The following PAGR1 variants were observed in gnomAD, a reference collection of about 807,000 sequenced individuals.
The protein encoded by PAGR1 is PAXIP1-associated glutamate-rich protein 1.
A neutral mutation model predicts 22.4 loss-of-function variants in PAGR1; 20 were observed. The observed-to-expected ratio is 0.89, with a 90% confidence interval of 0.63 to 1.30. PAGR1 has a LOEUF of 1.30. Among genes scored for constraint, PAGR1 ranks in the 50% most tolerant of loss-of-function variants. PAGR1 has a pLI of 0.00. For synonymous variants in PAGR1, 161 were observed against 148.3 expected, an observed-to-expected ratio of 1.09 and a Z score of -0.62; for missense variants, 338 against 343.6, an observed-to-expected ratio of 0.98 and a Z score of 0.13.
In PAGR1 at chr16:29,819,850, A is replaced by C; in HGVS notation, c.*96A>C. The C allele has an allele frequency of 7.4e-7, 1 of 1,348,608 alleles. No homozygotes were observed. Among genetic ancestry groups the C allele is most frequent in the Non-Finnish European group, 1.0e-6 (1 of 1,002,788 alleles). The allele number at this position is 1,348,608 out of a possible 1,614,324, so 83.5% of individuals were successfully genotyped here. A position where few individuals can be genotyped will look rare whatever the true frequency, so the allele number is the denominator to read the frequency against. The stretch of plus-strand genomic sequence containing the variant: ...AGACATTGAGAAACTTGGGAAGAAG[A>C]GAGAAACCTCAAGCTCCCAAACAGC... On this transcript the variant is annotated 3_prime_UTR_variant, in exon 3 of 3. Coordinates refer to ENST00000320330, the MANE Select transcript of PAGR1 (RefSeq NM_024516.4).
At chr16:29,817,389 C>A in intron 2 of PAGR1, 97 bp downstream of exon 2, 1 of 1,124,848 alleles carries the variant, frequency 8.9e-7, no homozygotes, top group South Asian at 1.3e-5. Flanking sequence ...TGCCTCAGCT[C>A]CCACACAACT....
In PAGR1 at chr16:29,816,569, C is replaced by T. The variant is rs781381892; in HGVS notation, c.44C>T (p.Ala15Val). Reference sequence around the variant, plus strand: ...CATGGAGACACTGCGGCCAGTACGGCGGCGCCTCTGTCTGAAGAAGGGGAA... The same window carrying T: ...CATGGAGACACTGCGGCCAGTACGGTGGCGCCTCTGTCTGAAGAAGGGGAA... ...RGHGDTAAST[A>V]APLSEEGEVT... The change falls in exon 1 of 3, where the codon GCG (alanine) becomes GTG (valine). Residue 15 changes from alanine to valine, a missense_variant. Physicochemically the swap from Ala to Val is moderately conservative, Grantham distance 64 (BLOSUM62 0). Around this residue, in one of 3 missense-constraint regions of PAGR1, gnomAD observed 235 missense variants for 216.0 expected, o/e 1.09. Coordinates refer to ENST00000320330, the MANE Select transcript of PAGR1 (RefSeq NM_024516.4). 7 of 1,512,080 alleles carry T rather than the reference C, an allele frequency of 4.6e-6. No individual in the cohort carries two copies. The highest frequency in any genetic ancestry group is 5.3e-6 in the Non-Finnish European group (6 of 1,132,940). 93.7% of individuals were successfully genotyped at this position (1,512,080 alleles called of 1,614,324 possible).
chr16:29,816,476 G>A lies in PAGR1; in HGVS notation c.-50G>A. 1 of 1,420,780 alleles carries A rather than the reference G, an allele frequency of 7.0e-7. No homozygotes were observed. Among genetic ancestry groups the A allele is most frequent in the Non-Finnish European group, 9.2e-7 (1 of 1,084,090 alleles). The allele number at this position is 1,420,780 out of a possible 1,614,324, so 88.0% of individuals were successfully genotyped here. A position where few individuals can be genotyped will look rare whatever the true frequency, so the allele number is the denominator to read the frequency against. Reference sequence around the variant, plus strand: ...GGGAGCCCGATCCCTGGGGGACCCTGGCTTCGGACTCCAGTATCTGTCGTC... The same window carrying A: ...GGGAGCCCGATCCCTGGGGGACCCTAGCTTCGGACTCCAGTATCTGTCGTC... On this transcript the variant is annotated 5_prime_UTR_variant, in exon 1 of 3. Transcript: ENST00000320330.
Position 29,817,019 on chromosome 16 carries a change from C to T in PAGR1, c.482+12C>T. 1 of 1,558,736 alleles carries T rather than the reference C, an allele frequency of 6.4e-7. No homozygotes were observed. The highest frequency in any genetic ancestry group is 2.3e-5 in the East Asian group (1 of 42,864). On this transcript the variant is annotated intron_variant, in intron 1 of 2. Coordinates refer to ENST00000320330, the MANE Select transcript of PAGR1 (RefSeq NM_024516.4). ...GAGGAAGAGGAAAAGTAAAGGCACA[C>T]CCTTACACCTTGTCCCGGGGCTGCT...
At chr16:29,818,792 A>G (rs1248641394) in intron 2 of PAGR1, among the ~76,000 whole-genome samples, 1 of 152,050 alleles carries the variant, frequency 6.6e-6, no homozygotes, top group Non-Finnish European at 1.5e-5. Flanking sequence ...TGAACTCCTG[A>G]CCTAAAGCTT....
In PAGR1 at chr16:29,819,769, G is replaced by T. The variant is rs201692748; in HGVS notation, c.*15G>T. The T allele has an allele frequency of 3.1e-6, 5 of 1,601,602 alleles. No homozygotes were observed. The highest frequency in any genetic ancestry group is 3.3e-5 in the Admixed American group (2 of 59,762). ...GGAAATACTGATTCCCACTGCTCCTGCCTCTAGGGTGCAGTGTCCGTACCT... is the reference window on the plus strand; with the variant it reads ...GGAAATACTGATTCCCACTGCTCCTTCCTCTAGGGTGCAGTGTCCGTACCT... On this transcript the variant is annotated 3_prime_UTR_variant, in exon 3 of 3. Coordinates refer to ENST00000320330, the MANE Select transcript of PAGR1 (RefSeq NM_024516.4).
In PAGR1 at chr16:29,816,515, C is replaced by T. The variant is rs1900250261; in HGVS notation, c.-11C>T. On this transcript the variant is annotated 5_prime_UTR_variant, in exon 1 of 3. Coordinates refer to ENST00000320330, the MANE Select transcript of PAGR1 (RefSeq NM_024516.4). ...GTATCTGTCGTCGCAGGGTCCCTGC[C>T]CTAGTGGCCTATGTCCCTTGCTCGG... 2 of 1,496,256 alleles carry T rather than the reference C, an allele frequency of 1.3e-6. No individual in the cohort carries two copies. The highest frequency in any genetic ancestry group is 2.8e-5 in the African/African-American group (2 of 71,258). The allele number at this position is 1,496,256 out of a possible 1,614,324, so 92.7% of individuals were successfully genotyped here.
At position 29,822,178 on chromosome 16, in the gene PAGR1, G is replaced by C. The variant is rs561289137; in HGVS notation, c.*2424G>C. Among the ~76,000 whole-genome samples the C allele has an allele frequency of 6.6e-6, 1 of 151,948 alleles. No homozygotes were observed. The highest frequency in any genetic ancestry group is 1.9e-4 in the East Asian group (1 of 5,178). ...TGAAGATCAGGGGTGCTGAAGCCTG[G>C]TTCCTGGGGTCGCTTCTGATCTAGG... On this transcript the variant is annotated 3_prime_UTR_variant, in exon 3 of 3. Coordinates refer to ENST00000320330, the MANE Select transcript of PAGR1 (RefSeq NM_024516.4).
Position 29,817,266 on chromosome 16 carries a change from C to T in PAGR1, c.539C>T (p.Ser180Phe). ...GATGAGCCAGTGACACCAAAGGACT[C>T]CCTGATTGACCGGAGACGCACCCCA... is the stretch of plus-strand genomic sequence containing the variant. ...FDDEPVTPKD[S>F]LIDRRRTPGS... The change falls in exon 2 of 3, where the codon TCC becomes TTC. Residue 180 changes from serine to phenylalanine, a missense_variant. Ser to Phe is a radical substitution (Grantham distance 155). Coordinates refer to ENST00000320330, the MANE Select transcript of PAGR1 (RefSeq NM_024516.4). The T allele has an allele frequency of 6.2e-7, 1 of 1,614,008 alleles. No individual in the cohort carries two copies. Among genetic ancestry groups the T allele is most frequent in the South Asian group, 1.1e-5 (1 of 91,074 alleles).
intron 2 of PAGR1, 66 bp downstream of exon 2, chr16:29,817,358 C>A (rs1428249824): frequency 6.7e-6 from 10 of 1,493,438 alleles, no homozygotes; most frequent in Non-Finnish European, 9.2e-6. Flanking sequence ...AAGATCGGCT[C>A]CCCTAGAGGC....
Position 29,816,647 on chromosome 16 carries a change from C to T in PAGR1, c.122C>T (p.Ala41Val). The change falls in exon 1 of 3, where the codon GCC becomes GTC. Residue 41 changes from alanine (A) to valine (V), a missense_variant. Transcript: ENST00000320330. Reference protein sequence around the residue: ...LAVEDTGGPSASAGKAEDEGE... With the variant: ...LAVEDTGGPSVSAGKAEDEGE... ...GTGGAGGATACCGGAGGCCCCTCTGCCTCGGCCGGTAAGGCCGAGGACGAG... is the reference window on the plus strand; with the variant it reads ...GTGGAGGATACCGGAGGCCCCTCTGTCTCGGCCGGTAAGGCCGAGGACGAG... The T allele has an allele frequency of 6.4e-7, 1 of 1,555,458 alleles. No individual in the cohort carries two copies. Among genetic ancestry groups the T allele is most frequent in the Non-Finnish European group, 8.7e-7 (1 of 1,152,268 alleles).
Position 29,816,741 on chromosome 16 carries a change from C to T in PAGR1, c.216C>T (p.Pro72=). 1.3e-6 allele frequency: 2 copies of T among 1,599,986 alleles called. No individual in the cohort carries two copies. The highest frequency in any genetic ancestry group is 2.2e-5 in the South Asian group (2 of 89,764). ...SGGEEAQGEV[P]SAGGEEPAEE... ...GCGAGGAGGCGCAGGGAGAAGTCCCCAGCGCTGGGGGAGAAGAGCCTGCCG... is the reference window on the plus strand; with the variant it reads ...GCGAGGAGGCGCAGGGAGAAGTCCCTAGCGCTGGGGGAGAAGAGCCTGCCG... Residue 72 remains proline (P), a synonymous_variant, in exon 1 of 3, where the codon CCC becomes CCT. Coordinates refer to ENST00000320330, the MANE Select transcript of PAGR1 (RefSeq NM_024516.4).
chr16:29,819,919 G>GT lies in PAGR1; in HGVS notation c.*171dup, dbSNP rs534291982. ...AGAGAGAGTGTGAGTGTGTGTGTGT[G>GT]TTTTTTCTATTGAACACCTGTAGAG... On this transcript the variant is annotated 3_prime_UTR_variant, in exon 3 of 3. Coordinates refer to ENST00000320330, the MANE Select transcript of PAGR1 (RefSeq NM_024516.4). The GT allele has an allele frequency of 5.8e-4, 426 of 735,792 alleles. 2 individuals are homozygous for GT. In the African/African-American group the frequency reaches 6.7e-3, roughly 12 times the overall value. 45.6% of individuals were successfully genotyped at this position (735,792 alleles called of 1,614,324 possible). A position where few individuals can be genotyped will look rare whatever the true frequency, so the allele number is the denominator to read the frequency against.
In PAGR1 at chr16:29,816,765, C is replaced by G; in HGVS notation, c.240C>G (p.Ala80=). ...CCAGCGCTGGGGGAGAAGAGCCTGC[C>G]GAGGAGGACTCCGAGGACTGGTGCG... ...EVPSAGGEEP[A]EEDSEDWCVP... is the part of the protein sequence containing the mutation. Residue 80 remains alanine (A), a synonymous_variant, in exon 1 of 3, where the codon GCC becomes GCG. Transcript: ENST00000320330. The G allele has an allele frequency of 1.3e-6, 2 of 1,588,520 alleles. No individual in the cohort carries two copies. The highest frequency in any genetic ancestry group is 1.1e-5 in the South Asian group (1 of 88,522).
chr16:29,819,325 C>T (rs937797837), intron 2 of PAGR1: 5 of 561,480 alleles, frequency 8.9e-6, no homozygotes, highest in African/African-American at 5.6e-5. Flanking sequence ...CTTGCCATTC[C>T]CCTGCCCAGT....
chr16:29,819,789 G>A lies in PAGR1; in HGVS notation c.*35G>A, dbSNP rs546095977. The A allele has an allele frequency of 3.2e-5, 51 of 1,576,936 alleles. No homozygotes were observed. The South Asian group carries it at 3.4e-4, about 10-fold the overall frequency. ...CTCCTGCCTCTAGGGTGCAGTGTCCGTACCTGCTGGAGCCTGGGCCCTCCT... is the reference window on the plus strand; with the variant it reads ...CTCCTGCCTCTAGGGTGCAGTGTCCATACCTGCTGGAGCCTGGGCCCTCCT... On this transcript the variant is annotated 3_prime_UTR_variant, in exon 3 of 3. Coordinates refer to ENST00000320330, the MANE Select transcript of PAGR1 (RefSeq NM_024516.4).
chr16:29,819,396 C>T, intron 2 of PAGR1, 159 bp from the exon 3 acceptor site: 2 of 696,106 alleles, frequency 2.9e-6, no homozygotes, highest in Non-Finnish European at 5.0e-6. Context: ...CTTTGCTTCT[C>T]ACCCTCTCTG....
intron 2 of PAGR1, 97 bp downstream of exon 2, chr16:29,817,389 C>G (rs8058824): frequency 0.14 from 160,642 of 1,123,860 alleles, 12,552 homozygotes; most frequent in African/African-American, 0.24. Context: ...TGCCTCAGCT[C>G]CCACACAACT....
chr16:29,822,321 T>TA lies in PAGR1; in HGVS notation c.*2580dup, dbSNP rs58807414. 0.042 allele frequency among the ~76,000 whole-genome samples: 6,004 copies of TA among 143,472 alleles called. 304 individuals are homozygous for TA. Among genetic ancestry groups the TA allele is most frequent in the African/African-American group, 0.12 (4,744 of 39,690 alleles). The allele number at this position is 143,472 out of a possible 152,430, so 94.1% of individuals were successfully genotyped here. On this transcript the variant is annotated 3_prime_UTR_variant, in exon 3 of 3. Transcript: ENST00000320330. ...AAAAGTTCCTAAAACTGTGCTGCTT[T>TA]AAAAAAAAAAAAAGTAATTTATGAG...
Sources: allele counts gnomAD v4.1 joint callset (sites outside exome capture counted in the v4.1 genomes callset), GRCh38; gene constraint gnomAD v4.1.1; regional missense constraint gnomAD v4.1.1; transcripts MANE v1.5; gene names NCBI Gene and HGNC (gene_info 2026-07-23, HGNC 2026-07-21).